The following KIAA1217 variants were observed in gnomAD, a reference collection of about 807,000 sequenced individuals.
The protein encoded by KIAA1217 is KIAA1217.
A neutral mutation model predicts 163.9 loss-of-function variants in KIAA1217; 88 were observed. That is an observed-to-expected ratio of 0.54 (90% confidence interval 0.45 to 0.64). KIAA1217 has a LOEUF of 0.64. Among genes scored for constraint, KIAA1217 ranks in the 30% least tolerant of loss-of-function variants. KIAA1217 has a pLI of 0.00. For synonymous variants in KIAA1217, 903 were observed against 923.1 expected (o/e 0.98, Z 0.39); for missense variants, 2,372 against 2,475.0 (o/e 0.96, Z 0.88).
intron 5 of KIAA1217, among the ~76,000 whole-genome samples, chr10:24,461,172 A>T (rs979237013): frequency 6.6e-6 from 1 of 152,292 alleles, no homozygotes; most frequent in East Asian, 1.9e-4. Context: ...GATCAACATC[A>T]ATTCATTGTT....
At chr10:23,947,221 A>G (rs182103930) in intron 1 of KIAA1217, among the ~76,000 whole-genome samples, 3 of 152,314 alleles carry the variant, frequency 2.0e-5, no homozygotes, top group Admixed American at 1.3e-4. Flanking sequence ...TGCACTATAT[A>G]AGGATTGAAT....
chr10:23,726,308 T>TTG (rs1465046256), intron 1 of KIAA1217, among the ~76,000 whole-genome samples: 1 of 151,522 alleles, frequency 6.6e-6, no homozygotes, highest in African/African-American at 2.4e-5. Context: ...AGTTTGGTTT[T>TTG]TTTTTTTTTA....
rs541896277 is a variant in KIAA1217, at chr10:23,768,361, G to GA, written c.-321+73133dup. ...TGAGCAGGGATTCTTGCTGTGGAGAGAAAAAACTATTTGAGAACCATCAGA... is the reference window on the plus strand; with the variant it reads ...TGAGCAGGGATTCTTGCTGTGGAGAGAAAAAAACTATTTGAGAACCATCAGA... On this transcript the variant is annotated intron_variant, in intron 1 of 18. Transcript: ENST00000376462. Among the ~76,000 whole-genome samples the GA allele has an allele frequency of 7.0e-4, 107 of 152,328 alleles. 2 individuals carry two copies. Among genetic ancestry groups the GA allele is most frequent in the Admixed American group, 3.5e-3 (53 of 15,304 alleles).
At chr10:23,741,154 A>G (rs1478268641) in intron 1 of KIAA1217, among the ~76,000 whole-genome samples, 1 of 152,172 alleles carries the variant, frequency 6.6e-6, no homozygotes. Flanking sequence ...TACTGAATTA[A>G]CTAATTAATG....
chr10:24,273,224 G>A (rs939075411), intron 2 of KIAA1217, among the ~76,000 whole-genome samples: 2 of 152,128 alleles, frequency 1.3e-5, no homozygotes, highest in Non-Finnish European at 2.9e-5. Context: ...TTTCCCTATG[G>A]TTACTATCAA....
chr10:23,920,055 G>T (rs1483579688), intron 1 of KIAA1217, among the ~76,000 whole-genome samples: 1 of 152,146 alleles, frequency 6.6e-6, no homozygotes, highest in Non-Finnish European at 1.5e-5. Flanking sequence ...TTGTCATGTG[G>T]ACTCTGAAGT....
intron 1 of KIAA1217, among the ~76,000 whole-genome samples, chr10:23,771,815 G>C (rs1314268694): frequency 6.6e-6 from 1 of 152,220 alleles, no homozygotes; most frequent in Non-Finnish European, 1.5e-5. Flanking sequence ...CAAGACCAAA[G>C]CCCAGTGGTG....
rs189505130 is a variant in KIAA1217 at position 23,790,435 on chromosome 10, A to C, written c.-321+95201A>C. On this transcript the variant is annotated intron_variant, in intron 1 of 18. Coordinates refer to the KIAA1217 transcript ENST00000376462. ...TATACATATATACATATATACATAT[A>C]CATATATACATATATACATGTGCAT... Among the ~76,000 whole-genome samples the C allele has an allele frequency of 4.3e-4, 39 of 90,658 alleles. 9 individuals carry two copies. The highest frequency in any genetic ancestry group is 4.2e-3 in the Admixed American group (34 of 8,156). 59.5% of individuals were successfully genotyped at this position (90,658 alleles called of 152,430 possible). A position where few individuals can be genotyped will look rare whatever the true frequency, so the allele number is the denominator to read the frequency against.
chr10:23,790,735 G>A (rs1835908217), intron 1 of KIAA1217, among the ~76,000 whole-genome samples: 1 of 146,992 alleles, frequency 6.8e-6, no homozygotes, highest in Non-Finnish European at 1.5e-5. Context: ...ATGTATGTAT[G>A]TATGTATGTA....
At chr10:23,703,450 G>C (rs1244910967) in intron 1 of KIAA1217, among the ~76,000 whole-genome samples, 1 of 152,130 alleles carries the variant, frequency 6.6e-6, no homozygotes, top group African/African-American at 2.4e-5. Context: ...TTTCTGAAAA[G>C]TACAAAGACG....
At chr10:23,788,295 G>A (rs1462800120) in intron 1 of KIAA1217, among the ~76,000 whole-genome samples, 1 of 152,176 alleles carries the variant, frequency 6.6e-6, no homozygotes, top group Non-Finnish European at 1.5e-5. Flanking sequence ...CCCAGTGGGA[G>A]AAACATGGAA....
intron 2 of KIAA1217, among the ~76,000 whole-genome samples, chr10:24,319,303 G>T (rs1466977338): frequency 6.9e-6 from 1 of 145,550 alleles, no homozygotes; most frequent in Non-Finnish European, 1.5e-5. Flanking sequence ...TTGAACCCAG[G>T]AGGCAGAGGT....
intron 6 of KIAA1217, chr10:24,482,467 G>A (rs1231540773): frequency 6.6e-6 from 1 of 152,226 alleles, no homozygotes; most frequent in African/African-American, 2.4e-5. Context: ...GCTTAATGCA[G>A]AATCGTGGGG....
intron 1 of KIAA1217, among the ~76,000 whole-genome samples, chr10:23,769,608 C>T (rs753504664): frequency 1.6e-4 from 25 of 152,142 alleles, no homozygotes; most frequent in Non-Finnish European, 3.1e-4. Flanking sequence ...AGCCGATGTC[C>T]AGGAATGAAC....
At chr10:23,911,953 C>T (rs1232240582) in intron 1 of KIAA1217, among the ~76,000 whole-genome samples, 1 of 152,124 alleles carries the variant, frequency 6.6e-6, no homozygotes, top group African/African-American at 2.4e-5. Context: ...TCATACCCTC[C>T]ACTACAGGCC....
chr10:23,816,294 T>G (rs1837310344), intron 1 of KIAA1217, among the ~76,000 whole-genome samples: 1 of 151,626 alleles, frequency 6.6e-6, no homozygotes, highest in Admixed American at 6.6e-5. Context: ...TTGTTGTTGT[T>G]TGTTTGTTTG....
At chr10:24,434,190 C>G (rs2059839191) in intron 4 of KIAA1217, among the ~76,000 whole-genome samples, 1 of 152,128 alleles carries the variant, frequency 6.6e-6, no homozygotes, top group East Asian at 1.9e-4. Flanking sequence ...GCGCCCACCA[C>G]CAGGCCCAGC....
Position 24,301,758 on chromosome 10 carries a change from G to A in KIAA1217, c.355-79111G>A, listed in dbSNP as rs149973164. Among the ~76,000 whole-genome samples the A allele has an allele frequency of 4.2e-3, 645 of 152,150 alleles. 9 individuals carry two copies. The highest frequency in any genetic ancestry group is 5.4e-3 in the Non-Finnish European group (365 of 67,998). On this transcript the variant is annotated intron_variant, in intron 2 of 20. Transcript: ENST00000376454. Reference sequence around the variant, plus strand: ...GTAAGTAGACTTTATTTTTTAGAACGGGTTGGCCAGGCGCAGTGGCTCATG... The same window carrying A: ...GTAAGTAGACTTTATTTTTTAGAACAGGTTGGCCAGGCGCAGTGGCTCATG...
At chr10:24,024,612 A>T (rs1286876793) in intron 2 of KIAA1217, among the ~76,000 whole-genome samples, 1 of 151,722 alleles carries the variant, frequency 6.6e-6, no homozygotes, top group Non-Finnish European at 1.5e-5. Flanking sequence ...TCATAAATAA[A>T]TACATATCAA....
Sources: gnomAD v4.1 joint callset for allele counts (sites outside exome capture counted in the v4.1 genomes callset) on GRCh38, gnomAD v4.1.1 for gene constraint, MANE v1.5 for transcripts, NCBI Gene and HGNC (gene_info 2026-07-23, HGNC 2026-07-21) for gene names.